The following ABCF1 variants were observed in gnomAD, a reference collection of about 807,000 sequenced individuals.
The protein encoded by ABCF1 is ATP-binding cassette sub-family F member 1.
A neutral mutation model predicts 126.3 loss-of-function variants in ABCF1; 73 were observed. The observed-to-expected ratio is 0.58, with a 90% CI of 0.48 to 0.70. The LOEUF (loss-of-function observed/expected upper bound fraction) is 0.70, where lower values mean the gene tolerates loss of function less well. Among genes scored for constraint, ABCF1 ranks in the 30% least tolerant of loss-of-function variants. The pLI, the probability that ABCF1 is intolerant of heterozygous loss-of-function variation, is 0.00. For missense variants in ABCF1, 786 were observed against 1,057.5 expected (o/e 0.74, Z 3.56); for synonymous variants, 345 against 396.4 (o/e 0.87, Z 1.54).
chr6:30,582,442 G>A lies in ABCF1; in HGVS notation c.727G>A (p.Glu243Lys). ...EGEEEEEEGGESKADDPYAHL... is the reference protein window; with the variant it reads ...EGEEEEEEGGKSKADDPYAHL... ...GGAAGAAGAGGAGGAGGAAGGAGGA[G>A]AGTCTAAGGCAGATGATCCCTATGC... is the stretch of plus-strand genomic sequence containing the variant. Residue 243 changes from glutamate (E) to lysine (K), a missense_variant, in exon 9 of 25, where the codon GAG (glutamate) becomes AAG (lysine). Transcript: ENST00000326195. 6.2e-7 allele frequency: 1 copy of A among 1,612,850 alleles called. No individual in the cohort carries two copies. The highest frequency in any genetic ancestry group is 8.5e-7 in the Non-Finnish European group (1 of 1,179,882).
chr6:30,590,519 CTA>C lies in ABCF1; in HGVS notation c.2372-14_2372-13del, dbSNP rs777074058. ...CCTTTCTTCCTGCCCTCTGTTGTTG[CTA>C]TCTTTCTTCAAAGCTGTGATCGTTG... On this transcript the variant is annotated splice_polypyrimidine_tract_variant and intron_variant, in intron 24 of 24. Coordinates refer to ENST00000326195, the MANE Select transcript of ABCF1 (RefSeq NM_001025091.2). The C allele has an allele frequency of 5.0e-6, 8 of 1,604,684 alleles. No individual in the cohort carries two copies. The highest frequency in any genetic ancestry group is 3.3e-5 in the South Asian group (3 of 89,634).
rs1801932207 is a variant in ABCF1, at chr6:30,583,394, T to G, written c.915+206T>G. On this transcript the variant is annotated intron_variant, in intron 10 of 24. Coordinates refer to ENST00000326195, the MANE Select transcript of ABCF1 (RefSeq NM_001025091.2). This position sits in a 1 kb window ranked among gnomAD's most constrained non-coding sequence, Gnocchi z 4.1. The stretch of plus-strand genomic sequence containing the variant: ...GGTCCACCCTTGGCAGAAAATAGTG[T>G]GGGACAGACTAGACTAGCTGAGGAT... 6.6e-6 allele frequency among the ~76,000 whole-genome samples: 1 copy of G among 152,176 alleles called. No individual in the cohort carries two copies. Among genetic ancestry groups the G allele is most frequent in the Non-Finnish European group, 1.5e-5 (1 of 68,034 alleles).
intron 1 of ABCF1, 67 bp downstream of exon 1, chr6:30,571,627 G>A (rs892846867): frequency 1.8e-5 from 28 of 1,535,056 alleles, no homozygotes; most frequent in Non-Finnish European, 2.5e-5. Context: ...CGTGTTTTAA[G>A]AGAGGGTCAT....
chr6:30,583,768 C>T lies in ABCF1; in HGVS notation c.1017-37C>T, dbSNP rs759300426. ...CCTGGAGGGAAAAGAAGAGATTTCT[C>T]AGTGGTGGCCAGGTCCTAATAGCTT... On this transcript the variant is annotated intron_variant, in intron 11 of 24. Transcript: ENST00000326195. The surrounding 1 kb of genome is among the most constrained non-coding windows in gnomAD (Gnocchi z 4.1). The T allele has an allele frequency of 1.7e-5, 28 of 1,613,524 alleles. No homozygotes were observed. Among genetic ancestry groups the T allele is most frequent in the Non-Finnish European group, 2.3e-5 (27 of 1,179,562 alleles).
intron 1 of ABCF1, among the ~76,000 whole-genome samples, chr6:30,572,431 C>G (rs1004190119): frequency 6.6e-6 from 1 of 152,116 alleles, no homozygotes. Context: ...TGTTATGGGA[C>G]TGTAGAAGAG....
At chr6:30,576,093 AAG>A (rs2127404714) in intron 1 of ABCF1, among the ~76,000 whole-genome samples, 1 of 149,568 alleles carries the variant, frequency 6.7e-6, no homozygotes, top group Admixed American at 6.7e-5. Context: ...AAAAAAAAAA[AAG>A]GAGGGTGTGT....
intron 8 of ABCF1, among the ~76,000 whole-genome samples, chr6:30,581,804 T>C (rs1801829664): frequency 1.3e-5 from 2 of 152,196 alleles, no homozygotes; most frequent in Non-Finnish European, 2.9e-5. Flanking sequence ...TCAGTTACAT[T>C]GTATTGGGAG....
In ABCF1 at chr6:30,591,394, A is replaced by G. The variant is rs1802448692; in HGVS notation, c.*693A>G. ...TTATTCAGTTTTCTAGCAGCTTTTA[A>G]TAGTCCCCTCTTCCCCACTAAATGG... is the stretch of plus-strand genomic sequence containing the variant. On this transcript the variant is annotated 3_prime_UTR_variant, in exon 25 of 25. Coordinates refer to ENST00000326195, the MANE Select transcript of ABCF1 (RefSeq NM_001025091.2). The G allele has an allele frequency of 1.3e-5, 2 of 152,156 alleles. No individual in the cohort carries two copies. Among genetic ancestry groups the G allele is most frequent in the African/African-American group, 4.8e-5 (2 of 41,422 alleles). The allele number at this position is 152,156 out of a possible 1,614,324, so 9.4% of individuals were successfully genotyped here. A position where few individuals can be genotyped will look rare whatever the true frequency, so the allele number is the denominator to read the frequency against.
intron 20 of ABCF1, 94 bp from the exon 21 acceptor site, chr6:30,589,594 C>T: frequency 7.0e-7 from 1 of 1,419,482 alleles, no homozygotes; most frequent in Non-Finnish European, 9.7e-7. Context: ...CAGAGCGAGA[C>T]TCCGTCTCAA....
chr6:30,581,252 C>T (rs1380790972), intron 8 of ABCF1, among the ~76,000 whole-genome samples: 1 of 152,088 alleles, frequency 6.6e-6, no homozygotes, highest in Admixed American at 6.6e-5. Context: ...ACCTTGAATA[C>T]ATCTTCCCAT....
chr6:30,576,099 GGT>G (rs1028052532), intron 1 of ABCF1, among the ~76,000 whole-genome samples: 2 of 149,510 alleles, frequency 1.3e-5, no homozygotes, highest in African/African-American at 4.9e-5. Flanking sequence ...AAAAAAGGAG[GGT>G]GTGTGTGTGT....
At position 30,586,356 on chromosome 6, in the gene ABCF1, T is replaced by G; in HGVS notation, c.1885+51T>G. The G allele has an allele frequency of 1.2e-6, 2 of 1,602,078 alleles. No individual in the cohort carries two copies. The highest frequency in any genetic ancestry group is 2.2e-5 in the East Asian group (1 of 44,772). On this transcript the variant is annotated intron_variant, in intron 18 of 24. Coordinates refer to ENST00000326195, the MANE Select transcript of ABCF1 (RefSeq NM_001025091.2). The surrounding 1 kb of genome is among the most constrained non-coding windows in gnomAD (Gnocchi z 4.9). ...CCACAGGAAGCACCGGAAGCATGTATGTGCACCCTAAATTCTCCACCAAGG... is the reference window on the plus strand; with the variant it reads ...CCACAGGAAGCACCGGAAGCATGTAGGTGCACCCTAAATTCTCCACCAAGG...
rs1277787152 is a variant in ABCF1 at position 30,586,074 on chromosome 6, C to G, written c.1714-60C>G. 4.4e-5 allele frequency: 70 copies of G among 1,594,824 alleles called. No individual in the cohort carries two copies. Among genetic ancestry groups the G allele is most frequent in the Non-Finnish European group, 5.5e-5 (64 of 1,172,160 alleles). ...AAGAAGGAGACTCTGGAACGCTGGCCTACATTTCAAGGACTGCCGCGCAGG... is the reference window on the plus strand; with the variant it reads ...AAGAAGGAGACTCTGGAACGCTGGCGTACATTTCAAGGACTGCCGCGCAGG... On this transcript the variant is annotated intron_variant, in intron 17 of 24. Coordinates refer to ENST00000326195, the MANE Select transcript of ABCF1 (RefSeq NM_001025091.2). This position sits in a 1 kb window ranked among gnomAD's most constrained non-coding sequence, Gnocchi z 4.9.
chr6:30,571,496 G>A lies in ABCF1; in HGVS notation c.9G>A (p.Lys3=). 1.9e-6 allele frequency: 3 copies of A among 1,610,930 alleles called. No individual in the cohort carries two copies. The highest frequency in any genetic ancestry group is 1.1e-5 in the South Asian group (1 of 90,772). The change falls in exon 1 of 25, where the codon AAG becomes AAA. Residue 3 remains lysine, a synonymous_variant. Coordinates refer to ENST00000326195, the MANE Select transcript of ABCF1 (RefSeq NM_001025091.2). The stretch of plus-strand genomic sequence containing the variant: ...CTGTAACTGCCACCGCGATGCCGAA[G>A]GCGCCCAAGCAGCAGCCGCCGGAGC... MP[K]APKQQPPEPE...
At position 30,574,219 on chromosome 6, in the gene ABCF1, C is replaced by T. The variant is rs1259505978; in HGVS notation, c.73+2659C>T. Among the ~76,000 whole-genome samples the T allele has an allele frequency of 6.6e-6, 1 of 152,010 alleles. No individual in the cohort carries two copies. Among genetic ancestry groups the T allele is most frequent in the Non-Finnish European group, 1.5e-5 (1 of 67,970 alleles). ...TGGCGCGATCTCAGCTCACTGCAGC[C>T]TCAATCGCAGGCTCAAGCCATCTTC... is the stretch of plus-strand genomic sequence containing the variant. On this transcript the variant is annotated intron_variant, in intron 1 of 24. Coordinates refer to ENST00000326195, the MANE Select transcript of ABCF1 (RefSeq NM_001025091.2). The surrounding 1 kb of genome is among the most constrained non-coding windows in gnomAD (Gnocchi z 4.3).
At chr6:30,575,671 G>A (rs1801461096) in intron 1 of ABCF1, among the ~76,000 whole-genome samples, 1 of 151,968 alleles carries the variant, frequency 6.6e-6, no homozygotes, top group African/African-American at 2.4e-5. Flanking sequence ...ATGACACAAT[G>A]TGATTTGTGC....
rs1232882925 is a variant in ABCF1 at position 30,583,943 on chromosome 6, AAGCC to A, written c.1102+63_1102+66del. 3.5e-5 allele frequency: 56 copies of A among 1,585,192 alleles called. No individual in the cohort carries two copies. In the Admixed American group the frequency reaches 4.2e-4, roughly 12 times the overall value. On this transcript the variant is annotated intron_variant, in intron 12 of 24. Coordinates refer to ENST00000326195, the MANE Select transcript of ABCF1 (RefSeq NM_001025091.2). This position sits in a 1 kb window ranked among gnomAD's most constrained non-coding sequence, Gnocchi z 4.1. ...TGGTGGGGTGGGCAGTTGGGTAGAA[AAGCC>A]AGCCAGCCAAGAATAGAAGAAATTG...
At chr6:30,578,994 A>G (rs1039727782) in intron 6 of ABCF1, among the ~76,000 whole-genome samples, 1 of 151,950 alleles carries the variant, frequency 6.6e-6, no homozygotes, top group African/African-American at 2.4e-5. Context: ...AGCAAGACTC[A>G]GTCTCAAAAA....
chr6:30,590,129 C>G lies in ABCF1; in HGVS notation c.2234-20C>G. On this transcript the variant is annotated intron_variant, in intron 22 of 24. Transcript: ENST00000326195. ...ATGTGAGGTGCTAGGTGTGACAGCC[C>G]TCCCCTTCCTTTGCTACAGGTGGTC... 6.2e-7 allele frequency: 1 copy of G among 1,613,018 alleles called. No homozygotes were observed. Among genetic ancestry groups the G allele is most frequent in the Non-Finnish European group, 8.5e-7 (1 of 1,180,022 alleles).
Sources: gnomAD v4.1 joint callset for allele counts (sites outside exome capture counted in the v4.1 genomes callset) on GRCh38, gnomAD v4.1.1 for gene constraint, Gnocchi (gnomAD v3.1) non-coding constraint, MANE v1.5 for transcripts, NCBI Gene and HGNC (gene_info 2026-07-23, HGNC 2026-07-21) for gene names.